RPL30: variants seen among roughly 807,000 people sequenced by gnomAD.
RPL30 encodes large ribosomal subunit protein eL30.
For missense variants in RPL30, 60 were observed against 138.0 expected, an observed-to-expected ratio of 0.43 and a Z score of 2.83; for synonymous variants, 40 against 50.4, an observed-to-expected ratio of 0.79 and a Z score of 0.87.
chr8:98,042,547 T>C (rs748090159), intron 4 of RPL30, 98 bp downstream of exon 4: 1 of 1,202,684 alleles, frequency 8.3e-7, no homozygotes. Context: ...TCTATCTGAA[T>C]TTAGGAACCA....
intron 4 of RPL30, 28 bp from the exon 5 acceptor site, chr8:98,041,878 A>C (rs372903661): frequency 3.4e-6 from 5 of 1,491,946 alleles, no homozygotes; most frequent in Non-Finnish European, 4.6e-6. Context: ...AAAAACAGTA[A>C]TTTTACAATT....
chr8:98,044,804 G>A, intron 3 of RPL30, 139 bp downstream of exon 3: 2 of 969,288 alleles, frequency 2.1e-6, no homozygotes, highest in Non-Finnish European at 3.1e-6. Flanking sequence ...CGGGAATGAA[G>A]GGCCAAACAC....
chr8:98,043,428 A>ATTT (rs1300074202), intron 3 of RPL30: 2 of 54,462 alleles, frequency 3.7e-5, no homozygotes, highest in Non-Finnish European at 7.9e-5. Context: ...ACACAGCCCT[A>ATTT]TTCTTTTTTT....
At chr8:98,042,272 G>A (rs1814390970) in intron 4 of RPL30, 3 of 498,058 alleles carry the variant, frequency 6.0e-6, no homozygotes, top group Non-Finnish European at 1.2e-5. Context: ...AGATTTTTTG[G>A]CACTTTTTTT....
At chr8:98,044,305 G>A (rs1814436514) in intron 3 of RPL30, 1 of 152,194 alleles carries the variant, frequency 6.6e-6, no homozygotes, top group Non-Finnish European at 1.5e-5. Context: ...AGACAGAAAG[G>A]GCCCTCCAGG....
Position 98,045,348 on chromosome 8 carries a change from G to A in RPL30, c.20C>T (p.Thr7Met), listed in dbSNP as rs1355596034. The change falls in exon 2 of 5, where the codon ACG becomes ATG. Residue 7 changes from threonine (T) to methionine (M), a missense_variant and splice_region_variant. Transcript: ENST00000287038. ...CCGGGCCTGGCCCGCCTCACTCACC[G>A]TCTTCTTTGCGGCCACCATCTTCCT... MVAAKK[T>M]KKSLESINSR... 1 of 1,614,156 alleles carries A rather than the reference G, an allele frequency of 6.2e-7. No homozygotes were observed. Among genetic ancestry groups the A allele is most frequent in the South Asian group, 1.1e-5 (1 of 91,086 alleles).
At chr8:98,043,600 G>GT (rs1814422036) in intron 3 of RPL30, 1 of 151,054 alleles carries the variant, frequency 6.6e-6, no homozygotes, top group South Asian at 2.1e-4. Flanking sequence ...CCTCACGCGT[G>GT]TAATCCCAGC....
At chr8:98,042,865 TG>T (rs1350067032) in intron 3 of RPL30, 90 bp from the exon 4 acceptor site, 1 of 1,254,786 alleles carries the variant, frequency 8.0e-7, no homozygotes, top group African/African-American at 1.5e-5. Flanking sequence ...GTGTTAATGT[TG>T]TTAAGGCCTT....
intron 2 of RPL30, 113 bp downstream of exon 2, chr8:98,045,234 G>C: frequency 6.4e-7 from 1 of 1,557,430 alleles, no homozygotes; most frequent in South Asian, 1.1e-5. Flanking sequence ...TCCTTCTGGG[G>C]CCCTCCAAAT....
At chr8:98,042,431 G>C in intron 4 of RPL30, 1 of 505,846 alleles carries the variant, frequency 2.0e-6, no homozygotes, top group Non-Finnish European at 3.5e-6. Context: ...TTCATTATCT[G>C]ACAGTAAAAA....
In RPL30 at chr8:98,045,513, G is replaced by A. The variant is rs6984226; in HGVS notation, c.-38C>T. ...GTCGGTAGGAGCCCACTCACCAACA[G>A]CAGCCGCTAAGATGGCCGGGGAACG... On this transcript the variant is annotated 5_prime_UTR_variant, in exon 1 of 5. Coordinates refer to ENST00000287038, the MANE Select transcript of RPL30 (RefSeq NM_000989.4). 2,728 of 764,376 alleles carry A rather than the reference G, an allele frequency of 3.6e-3. 28 individuals are homozygous for A. Among genetic ancestry groups the A allele is most frequent in the African/African-American group, 0.031 (1,763 of 57,412 alleles). The allele number at this position is 764,376 out of a possible 1,614,324, so 47.3% of individuals were successfully genotyped here.
intron 3 of RPL30, 138 bp downstream of exon 3, chr8:98,044,805 G>A (rs760212270): frequency 1.0e-6 from 1 of 978,134 alleles, no homozygotes; most frequent in Non-Finnish European, 1.5e-6. Flanking sequence ...GGGAATGAAG[G>A]GCCAAACACC....
At chr8:98,045,201 G>A in intron 2 of RPL30, 113 bp from the exon 3 acceptor site, 2 of 1,537,246 alleles carry the variant, frequency 1.3e-6, no homozygotes, top group South Asian at 1.2e-5. Flanking sequence ...AGGACCCCAA[G>A]TCATTGAGAG....
chr8:98,042,608 CAAAAA>C (rs3073528), intron 4 of RPL30, 32 bp downstream of exon 4: 3 of 1,458,754 alleles, frequency 2.1e-6, no homozygotes, highest in Non-Finnish European at 2.8e-6. Context: ...ATTAGAAAGG[CAAAAA>C]AAAAAAAGAC....
rs1207657196 is a variant in RPL30, at chr8:98,041,766, AAGGTTTGC to A, written c.*27_*34del. 4.7e-6 allele frequency: 7 copies of A among 1,503,594 alleles called. No individual in the cohort carries two copies. Among genetic ancestry groups the A allele is most frequent in the Non-Finnish European group, 5.5e-6 (6 of 1,094,302 alleles). 93.1% of individuals were successfully genotyped at this position (1,503,594 alleles called of 1,614,324 possible). On this transcript the variant is annotated 3_prime_UTR_variant, in exon 5 of 5. Transcript: ENST00000287038. ...TATTAAAGGAAAATTTTGCAGGTTT[AAGGTTTGC>A]AGGTGAAATTTTGTAGGTGAAAAGG...
chr8:98,045,519 G>C lies in RPL30; in HGVS notation c.-44C>G. On this transcript the variant is annotated 5_prime_UTR_variant, in exon 1 of 5. Transcript: ENST00000287038. ...AGGAGCCCACTCACCAACAGCAGCC[G>C]CTAAGATGGCCGGGGAACGAGAAAG... 1 of 714,310 alleles carries C rather than the reference G, an allele frequency of 1.4e-6. No individual in the cohort carries two copies. The highest frequency in any genetic ancestry group is 1.6e-5 in the South Asian group (1 of 61,306). The allele number at this position is 714,310 out of a possible 1,614,324, so 44.2% of individuals were successfully genotyped here. A position where few individuals can be genotyped will look rare whatever the true frequency, so the allele number is the denominator to read the frequency against.
rs1255845578 is a variant in RPL30, at chr8:98,045,267, C to G, written c.21+80G>C. The G allele has an allele frequency of 6.9e-6, 11 of 1,596,806 alleles. No homozygotes were observed. The East Asian group carries it at 2.2e-4, about 32-fold the overall frequency. On this transcript the variant is annotated intron_variant, in intron 2 of 4. Coordinates refer to ENST00000287038, the MANE Select transcript of RPL30 (RefSeq NM_000989.4). The stretch of plus-strand genomic sequence containing the variant: ...AATGCCAGCAGGCATGCTGTCACCC[C>G]CGTGGGCTCACATCTGCCCGCCCTG...
At chr8:98,045,483 C>A in intron 1 of RPL30, 25 bp downstream of exon 1, 2 of 1,295,942 alleles carry the variant, frequency 1.5e-6, no homozygotes, top group Non-Finnish European at 2.2e-6. Context: ...GCTGCCTAAA[C>A]CTCGGTCGGT....
Position 98,045,416 on chromosome 8 carries a change from A to G in RPL30, c.-32-17T>C. ...GCCCCCAACCTAGAAGAGACAGAGAACAGGACAGGAATTTTAGGATCCGGA... is the reference window on the plus strand; with the variant it reads ...GCCCCCAACCTAGAAGAGACAGAGAGCAGGACAGGAATTTTAGGATCCGGA... On this transcript the variant is annotated splice_polypyrimidine_tract_variant and intron_variant, in intron 1 of 4. Transcript: ENST00000287038. 6.2e-7 allele frequency: 1 copy of G among 1,612,724 alleles called. No individual in the cohort carries two copies.
Sources: gnomAD v4.1 joint callset for allele counts on GRCh38, gnomAD v4.1.1 for gene constraint, MANE v1.5 for transcripts, NCBI Gene and HGNC (gene_info 2026-07-23, HGNC 2026-07-21) for gene names.